Variants in PTCH2 observed in about 807,000 individuals in gnomAD.
PTCH2 encodes the protein patched 2, also known as protein patched homolog 2.
In PTCH2, 96 loss-of-function variants were observed where a neutral mutation model predicts 117.9. The ratio of observed to expected loss-of-function variants is 0.81; its 90% CI spans 0.69 to 0.96. The LOEUF is 0.96. Among genes scored for constraint, PTCH2 ranks in the 50% least tolerant of loss-of-function variants. The probability of loss-of-function intolerance (pLI) is 0.00; values close to 1 mark genes in which losing one functional copy is unlikely to be tolerated. For synonymous variants in PTCH2, 615 were observed against 660.9 expected, an observed-to-expected ratio of 0.93 and a Z score of 1.06; for missense variants, 1,379 against 1,562.5, an observed-to-expected ratio of 0.88 and a Z score of 1.98.
rs548371610 is a variant in PTCH2, at chr1:44,835,610, G to A, written c.266-3269C>T. Among the ~76,000 whole-genome samples, 7 of 152,202 alleles carry A rather than the reference G, an allele frequency of 4.6e-5. No individual in the cohort carries two copies. The South Asian group carries it at 1.4e-3, about 32-fold the overall frequency. ...GCAATATATATGCTCCATAATCTTT[G>A]GTCCAGAAGTTTCACGTGTAAAGGC... On this transcript the variant is annotated intron_variant, in intron 2 of 21. Transcript: ENST00000372192.
rs2148871558 is a variant in PTCH2, at chr1:44,823,026, C to A, written c.3357+43G>T. 6.3e-7 allele frequency: 1 copy of A among 1,587,974 alleles called. No individual in the cohort carries two copies. Among genetic ancestry groups the A allele is most frequent in the South Asian group, 1.1e-5 (1 of 88,486 alleles). ...TTCCCTTGCCTCTCCCTACCCCGTC[C>A]CTTGGGCTGGGAGTAGAGGGATGGT... On this transcript the variant is annotated intron_variant, in intron 21 of 21. Coordinates refer to ENST00000372192, the MANE Select transcript of PTCH2 (RefSeq NM_003738.5). The surrounding 1 kb of genome is among the most constrained non-coding windows in gnomAD (Gnocchi z 5.1).
Position 44,831,926 on chromosome 1 carries a change from C to T in PTCH2, c.525+49G>A. 1 of 1,580,360 alleles carries T rather than the reference C, an allele frequency of 6.3e-7. No homozygotes were observed. Among genetic ancestry groups the T allele is most frequent in the Non-Finnish European group, 8.7e-7 (1 of 1,149,376 alleles). Reference sequence around the variant, plus strand: ...GGGGCTTGCTCGGTCTCTGAGTCCTCCCACGCTACAGAAAAAGTTCTGCCT... The same window carrying T: ...GGGGCTTGCTCGGTCTCTGAGTCCTTCCACGCTACAGAAAAAGTTCTGCCT... On this transcript the variant is annotated intron_variant, in intron 4 of 21. Transcript: ENST00000372192. This position sits in a 1 kb window ranked among gnomAD's most constrained non-coding sequence, Gnocchi z 4.3.
chr1:44,828,854 T>C, intron 11 of PTCH2, 128 bp downstream of exon 11: 1 of 1,232,582 alleles, frequency 8.1e-7, no homozygotes, highest in Non-Finnish European at 1.2e-6. Flanking sequence ...AGCACTATTA[T>C]TTCCCCTGTT....
chr1:44,826,556 T>C lies in PTCH2; in HGVS notation c.2908A>G (p.Ile970Val). The change falls in exon 18 of 22, where the codon ATC becomes GTC. Residue 970 changes from isoleucine (I) to valine (V), a missense_variant. Physicochemically the swap from Ile to Val is conservative, Grantham distance 29. Transcript: ENST00000372192. The surrounding 1 kb of genome is among the most constrained non-coding windows in gnomAD (Gnocchi z 5.1). Reference protein sequence around the residue: ...LRRCFLLAVCILLVCTFLVCA... With the variant: ...LRRCFLLAVCVLLVCTFLVCA... The stretch of plus-strand genomic sequence containing the variant: ...ACGAGGAAAGTGCACACCAGCAGGA[T>C]GCAGACGGCCAGCAGGAAGCAGCGC... 1 of 1,613,572 alleles carries C rather than the reference T, an allele frequency of 6.2e-7. No individual in the cohort carries two copies.
At position 44,829,713 on chromosome 1, in the gene PTCH2, C is replaced by T. The variant is rs1557646132; in HGVS notation, c.984G>A (p.Leu328=). The part of the protein sequence containing the change: ...STFLLMSPRQ[L]YEHFRGDYQT... ...GATAGTCACCCCGGAAATGCTCGTACAGCTGGCGGGGACTCATCAGCAAGA... is the reference window on the plus strand; with the variant it reads ...GATAGTCACCCCGGAAATGCTCGTATAGCTGGCGGGGACTCATCAGCAAGA... The change falls in exon 8 of 22, where the codon CTG becomes CTA. Residue 328 remains leucine, a synonymous_variant. Coordinates refer to ENST00000372192, the MANE Select transcript of PTCH2 (RefSeq NM_003738.5). 1.2e-6 allele frequency: 2 copies of T among 1,614,244 alleles called. No homozygotes were observed. The highest frequency in any genetic ancestry group is 1.7e-6 in the Non-Finnish European group (2 of 1,180,042).
intron 2 of PTCH2, among the ~76,000 whole-genome samples, chr1:44,841,522 A>G (rs1653947104): frequency 1.3e-5 from 2 of 152,256 alleles, no homozygotes; most frequent in East Asian, 3.8e-4. Flanking sequence ...TTTGCTACTG[A>G]AAGATGAATC....
In PTCH2 at chr1:44,842,829, C is replaced by A. The variant is rs760520299; in HGVS notation, c.72+32G>T. On this transcript the variant is annotated intron_variant, in intron 1 of 21. Transcript: ENST00000372192. ...CCCGAGTGACAGACCTGGCTCCGCTCTCTTCCTTCTTCCAGCTCCCCCTCT... is the reference window on the plus strand; with the variant it reads ...CCCGAGTGACAGACCTGGCTCCGCTATCTTCCTTCTTCCAGCTCCCCCTCT... 4.4e-5 allele frequency: 68 copies of A among 1,535,544 alleles called. No homozygotes were observed. The Admixed American group carries it at 1.3e-3, about 29-fold the overall frequency.
rs1573643869 is a variant in PTCH2, at chr1:44,826,630, T to G, written c.2834A>C (p.Tyr945Ser). 1.2e-6 allele frequency: 2 copies of G among 1,612,584 alleles called. No individual in the cohort carries two copies. The highest frequency in any genetic ancestry group is 1.7e-6 in the Non-Finnish European group (2 of 1,179,858). Residue 945 changes from tyrosine to serine, a missense_variant, in exon 18 of 22, where the codon TAC (tyrosine) becomes TCC (serine). Transcript: ENST00000372192. This position sits in a 1 kb window ranked among gnomAD's most constrained non-coding sequence, Gnocchi z 5.1. ...AEAGQAGVHA[Y>S]PSGSPFLFWE... ...GAAGAGGAAGGGGGAGCCGCTGGGG[T>G]AGGCGTGCACCCCAGCCTGGCCGGC...
Position 44,831,597 on chromosome 1 carries a change from T to G in PTCH2, c.617+109A>C. ...TGCTCTCTGTTCCTGGCCTGGGAGG[T>G]AATTAGGACCTTGGTAAGGTTTTGA... is the stretch of plus-strand genomic sequence containing the variant. On this transcript the variant is annotated intron_variant, in intron 5 of 21. Coordinates refer to ENST00000372192, the MANE Select transcript of PTCH2 (RefSeq NM_003738.5). This position sits in a 1 kb window ranked among gnomAD's most constrained non-coding sequence, Gnocchi z 4.3. The G allele has an allele frequency of 9.2e-7, 1 of 1,085,628 alleles. No individual in the cohort carries two copies. Among genetic ancestry groups the G allele is most frequent in the Non-Finnish European group, 1.4e-6 (1 of 728,826 alleles). 67.2% of individuals were successfully genotyped at this position (1,085,628 alleles called of 1,614,324 possible).
Position 44,822,094 on chromosome 1 carries a change from GA to G in PTCH2, c.*320del. 1 of 1,379,784 alleles carries G rather than the reference GA, an allele frequency of 7.2e-7. No homozygotes were observed. Among genetic ancestry groups the G allele is most frequent in the Non-Finnish European group, 9.4e-7 (1 of 1,065,698 alleles). The allele number at this position is 1,379,784 out of a possible 1,614,324, so 85.5% of individuals were successfully genotyped here. ...GAGCCTGCCCAGGAGTCACCAGACG[GA>G]AGGGTGCTGGAGGGTCCCTCAGGCT... On this transcript the variant is annotated 3_prime_UTR_variant, in exon 22 of 22. Transcript: ENST00000372192.
At chr1:44,830,106 A>G (rs1300421273) in intron 6 of PTCH2, 76 bp from the exon 7 acceptor site, 22 of 1,580,338 alleles carry the variant, frequency 1.4e-5, no homozygotes, top group East Asian at 2.3e-5. Flanking sequence ...TTCCACCTCC[A>G]GGAACCACGC....
Position 44,823,342 on chromosome 1 carries a change from T to TG in PTCH2, c.3157dup (p.His1053ProfsTer4). ...GGGGGCAAATGTGTGCTCAAGGGCA[T>TG]GGGCGGCCCGCAGGTTCCGGCTGCC... is the stretch of plus-strand genomic sequence containing the variant. On this transcript the variant is annotated frameshift_variant, in exon 20 of 22. Transcript: ENST00000372192. LOFTEE classifies it high-confidence loss of function. The surrounding 1 kb of genome is among the most constrained non-coding windows in gnomAD (Gnocchi z 5.1). The TG allele has an allele frequency of 6.2e-7, 1 of 1,614,208 alleles. No homozygotes were observed. The highest frequency in any genetic ancestry group is 8.5e-7 in the Non-Finnish European group (1 of 1,180,046).
At chr1:44,825,744 C>G (rs898449531) in intron 19 of PTCH2, among the ~76,000 whole-genome samples, 1 of 150,372 alleles carries the variant, frequency 6.7e-6, no homozygotes, top group East Asian at 2.0e-4. Flanking sequence ...CCAGGCTGGT[C>G]TTGAACTCCT....
At chr1:44,842,783 A>AC in intron 1 of PTCH2, 78 bp downstream of exon 1, 1 of 1,386,776 alleles carries the variant, frequency 7.2e-7, no homozygotes, top group South Asian at 1.3e-5. Context: ...GCACTTCAAG[A>AC]CATCACAAAC....
chr1:44,842,008 C>G lies in PTCH2; in HGVS notation c.104G>C (p.Trp35Ser), dbSNP rs936486285. 7 of 1,614,022 alleles carry G rather than the reference C, an allele frequency of 4.3e-6. No homozygotes were observed. The highest frequency in any genetic ancestry group is 5.9e-6 in the Non-Finnish European group (7 of 1,179,950). Residue 35 changes from tryptophan (W) to serine (S), a missense_variant, in exon 2 of 22, where the codon TGG becomes TCG. Trp to Ser is a radical substitution (Grantham distance 177). Coordinates refer to ENST00000372192, the MANE Select transcript of PTCH2 (RefSeq NM_003738.5). The stretch of plus-strand genomic sequence containing the variant: ...CAGGCCCTGGAAGTAAGCACGAAGC[C>G]AGAGTGGAGCCTTCAGGCTCCCAGC... ...ILAGSLKAPL[W>S]LRAYFQGLLF...
chr1:44,828,206 G>C lies in PTCH2; in HGVS notation c.1710-15C>G, dbSNP rs377138885. 1.4e-5 allele frequency: 23 copies of C among 1,613,162 alleles called. No homozygotes were observed. The African/African-American group carries it at 2.3e-4, about 16-fold the overall frequency. Reference sequence around the variant, plus strand: ...CAGAGCAGGGACTGGAAGAGGTAGAGAGTGGATGACAGGTCTGTGCCTTGA... The same window carrying C: ...CAGAGCAGGGACTGGAAGAGGTAGACAGTGGATGACAGGTCTGTGCCTTGA... On this transcript the variant is annotated splice_polypyrimidine_tract_variant and intron_variant, in intron 13 of 21. Transcript: ENST00000372192.
At position 44,827,681 on chromosome 1, in the gene PTCH2, C is replaced by T. The variant is rs1052051090; in HGVS notation, c.2092G>A (p.Gly698Ser). The T allele has an allele frequency of 1.2e-6, 2 of 1,612,070 alleles. No homozygotes were observed. Among genetic ancestry groups the T allele is most frequent in the Non-Finnish European group, 1.7e-6 (2 of 1,180,012 alleles). The change falls in exon 15 of 22, where the codon GGC becomes AGC. Residue 698 changes from glycine (G) to serine (S), a missense_variant. By Grantham distance (56) the Gly-to-Ser change is moderately conservative (BLOSUM62 0). Coordinates refer to ENST00000372192, the MANE Select transcript of PTCH2 (RefSeq NM_003738.5). ...AAGGTGGCTCCGTAGAGGCTCAGGC[C>T]CAGAAGAGCACCAAAGAGCACCAGC... is the stretch of plus-strand genomic sequence containing the variant. ...IVLVLFGALL[G>S]LSLYGATLVQ...
chr1:44,830,898 G>C lies in PTCH2; in HGVS notation c.763C>G (p.Pro255Ala), dbSNP rs200618779. 1.4e-5 allele frequency: 22 copies of C among 1,578,308 alleles called. No homozygotes were observed. The African/African-American group carries it at 2.0e-4, about 14-fold the overall frequency. The stretch of plus-strand genomic sequence containing the variant: ...CTAGGTGGGCAGTGGAGGTCATCAG[G>C]GTGCAGACAGGGCCGCCCCACGTAG... ...QAYVGRPCLH[P>A]DDLHCPPSAP... The change falls in exon 6 of 22, where the codon CCT becomes GCT. Residue 255 changes from proline to alanine, a missense_variant. Coordinates refer to ENST00000372192, the MANE Select transcript of PTCH2 (RefSeq NM_003738.5).
intron 19 of PTCH2, among the ~76,000 whole-genome samples, chr1:44,825,775 C>T (rs1047537552): frequency 2.6e-5 from 4 of 151,780 alleles, no homozygotes; most frequent in African/African-American, 2.4e-5. Context: ...GATCCGCCTG[C>T]CTTGGCCTCC....
Sources: allele counts gnomAD v4.1 joint callset (sites outside exome capture counted in the v4.1 genomes callset), GRCh38; gene constraint gnomAD v4.1.1; non-coding constraint Gnocchi (gnomAD v3.1); transcripts MANE v1.5; gene names NCBI Gene and HGNC (gene_info 2026-07-23, HGNC 2026-07-21).